The following HECTD4 variants were observed in gnomAD, a reference collection of about 807,000 sequenced individuals.
HECTD4 encodes the protein HECT domain E3 ubiquitin protein ligase 4, also known as probable E3 ubiquitin-protein ligase HECTD4.
In HECTD4, 114 loss-of-function variants were observed where a neutral mutation model predicts 471.5. The ratio of observed to expected loss-of-function variants is 0.24; its 90% CI spans 0.21 to 0.28. The LOEUF is 0.28. HECTD4 is among the 10% of genes least tolerant of loss of function. The pLI is 1.00. For missense variants in HECTD4, 3,866 were observed against 5,651.5 expected (o/e 0.68, Z 10.13); for synonymous variants, 2,012 against 2,256.0 (o/e 0.89, Z 3.07).
chr12:112,167,972 C>T (rs757256506), intron 70 of HECTD4, 55 bp from the exon 71 acceptor site: 772 of 1,303,172 alleles, frequency 5.9e-4, no homozygotes, highest in Non-Finnish European at 8.1e-4. Flanking sequence ...GGAGGCGACA[C>T]CGTTCCCTCC....
chr12:112,189,751 G>A (rs2032015283), intron 60 of HECTD4, among the ~76,000 whole-genome samples: 1 of 151,864 alleles, frequency 6.6e-6, no homozygotes, highest in East Asian at 1.9e-4. Context: ...ATCCGAGTGT[G>A]CAGTGTTTTC....
chr12:112,290,866 A>AAG (rs2034868683), intron 7 of HECTD4, among the ~76,000 whole-genome samples: 1 of 149,570 alleles, frequency 6.7e-6, no homozygotes, highest in Non-Finnish European at 1.5e-5. Flanking sequence ...AACAAAACAA[A>AAG]AAAAAAAAAC....
chr12:112,193,003 C>A lies in HECTD4; in HGVS notation c.9086+58G>T. The A allele has an allele frequency of 6.3e-7, 1 of 1,596,754 alleles. No individual in the cohort carries two copies. Among genetic ancestry groups the A allele is most frequent in the Non-Finnish European group, 8.6e-7 (1 of 1,169,060 alleles). On this transcript the variant is annotated intron_variant, in intron 58 of 75. Transcript: ENST00000682272. The surrounding 1 kb of genome is among the most constrained non-coding windows in gnomAD (Gnocchi z 5.2). Reference sequence around the variant, plus strand: ...AATTTTTTTCCTTGGCCAGTTTCACCAGAATTCATTTAGCTTTCCTCTCCC... The same window carrying A: ...AATTTTTTTCCTTGGCCAGTTTCACAAGAATTCATTTAGCTTTCCTCTCCC...
chr12:112,376,807 G>C (rs963470385), intron 1 of HECTD4, among the ~76,000 whole-genome samples: 1 of 152,086 alleles, frequency 6.6e-6, no homozygotes, highest in South Asian at 2.1e-4. Flanking sequence ...TTCCTTTTGT[G>C]TCCACCCTAT....
Position 112,179,403 on chromosome 12 carries a change from G to A in HECTD4, c.10988-6C>T. The A allele has an allele frequency of 6.2e-7, 1 of 1,604,508 alleles. No individual in the cohort carries two copies. The highest frequency in any genetic ancestry group is 8.5e-7 in the Non-Finnish European group (1 of 1,174,946). On this transcript the variant is annotated splice_polypyrimidine_tract_variant and splice_region_variant and intron_variant, in intron 62 of 75. Coordinates refer to ENST00000682272, the MANE Select transcript of HECTD4 (RefSeq NM_001388303.1). The surrounding 1 kb of genome is among the most constrained non-coding windows in gnomAD (Gnocchi z 4.3). ...TCCGGGCACCAGCTTCTCCCCTGTTGGATGGAGAGGGGGCAAAACAATTCT... is the reference window on the plus strand; with the variant it reads ...TCCGGGCACCAGCTTCTCCCCTGTTAGATGGAGAGGGGGCAAAACAATTCT...
At chr12:112,257,208 T>C (rs1367167019) in intron 20 of HECTD4, among the ~76,000 whole-genome samples, 1 of 152,208 alleles carries the variant, frequency 6.6e-6, no homozygotes, top group Non-Finnish European at 1.5e-5. Context: ...ACTAGTCACA[T>C]GTGGCCATTT....
chr12:112,312,917 A>G, intron 4 of HECTD4, 100 bp downstream of exon 4: 2 of 904,658 alleles, frequency 2.2e-6, no homozygotes, highest in Non-Finnish European at 3.3e-6. Context: ...CTTAATTAAA[A>G]GGAACATACA....
intron 1 of HECTD4, among the ~76,000 whole-genome samples, chr12:112,355,031 A>T (rs1011611546): frequency 1.3e-5 from 2 of 150,258 alleles, no homozygotes; most frequent in Non-Finnish European, 3.0e-5. Flanking sequence ...CCCAGGCTGG[A>T]GTGCAGTGGC....
rs2030683989 is a variant in HECTD4, at chr12:112,161,401, AG to A, written c.*985del. 6.6e-6 allele frequency: 1 copy of A among 152,272 alleles called. No individual in the cohort carries two copies. The highest frequency in any genetic ancestry group is 2.4e-5 in the African/African-American group (1 of 41,452). The allele number at this position is 152,272 out of a possible 1,614,324, so 9.4% of individuals were successfully genotyped here. On this transcript the variant is annotated 3_prime_UTR_variant, in exon 76 of 76. Transcript: ENST00000682272. ...ACTTGAGTGTCTGGGTCACTAAAGC[AG>A]ACCCCAAATTGAGCAGAGCACCTCA...
At chr12:112,378,019 G>A (rs949736004) in intron 1 of HECTD4, among the ~76,000 whole-genome samples, 2 of 152,114 alleles carry the variant, frequency 1.3e-5, no homozygotes, top group Non-Finnish European at 2.9e-5. Context: ...TTTGAGCAGC[G>A]CTTACAGGGT....
rs747819620 is a variant in HECTD4, at chr12:112,175,712, T to A, written c.11594+24A>T. On this transcript the variant is annotated intron_variant, in intron 66 of 75. Transcript: ENST00000682272. ...AACAATTTCTATGCAAGGTGCCAAC[T>A]GAGTCGAGGGGTAACCCTCTTACCT... 9 of 1,607,818 alleles carry A rather than the reference T, an allele frequency of 5.6e-6. No homozygotes were observed. The African/African-American group carries it at 1.1e-4, about 19-fold the overall frequency.
rs772580103 is a variant in HECTD4, at chr12:112,217,052, A to G, written c.7218T>C (p.Thr2406=). 1 of 1,582,112 alleles carries G rather than the reference A, an allele frequency of 6.3e-7. No homozygotes were observed. Among genetic ancestry groups the G allele is most frequent in the South Asian group, 1.2e-5 (1 of 86,822 alleles). The part of the protein sequence containing the change: ...GLPRGTFIYA[T]SPLPVQAPSF... ...GTCTCACCTGAACTGGCAGTGGTGA[A>G]GTGGCATAGATAAAAGTGCCCCGGG... The change falls in exon 46 of 76, where the codon ACT becomes ACC. Residue 2406 remains threonine, a synonymous_variant. Transcript: ENST00000682272.
chr12:112,290,767 G>C (rs904602448), intron 7 of HECTD4, among the ~76,000 whole-genome samples: 19 of 149,018 alleles, frequency 1.3e-4, no homozygotes, highest in Admixed American at 1.3e-4. Flanking sequence ...GGAATCACTT[G>C]AACCTGGGAG....
At position 112,314,631 on chromosome 12, in the gene HECTD4, T is replaced by A. The variant is rs932937723; in HGVS notation, c.696-85A>T. On this transcript the variant is annotated intron_variant, in intron 2 of 75. Coordinates refer to ENST00000682272, the MANE Select transcript of HECTD4 (RefSeq NM_001388303.1). ...ATTAATGCTAATTTAATTAACCACA[T>A]GGAAAAGTTCCAAAATGTGTCTCTC... The A allele has an allele frequency of 1.9e-5, 15 of 789,590 alleles. No individual in the cohort carries two copies. The African/African-American group carries it at 2.6e-4, about 14-fold the overall frequency. 48.9% of individuals were successfully genotyped at this position (789,590 alleles called of 1,614,324 possible).
intron 1 of HECTD4, among the ~76,000 whole-genome samples, chr12:112,330,141 G>C (rs971630746): frequency 3.9e-5 from 6 of 151,976 alleles, no homozygotes; most frequent in African/African-American, 1.5e-4. Flanking sequence ...GCCGGGCGTG[G>C]TGATGGGCGC....
At position 112,228,325 on chromosome 12, in the gene HECTD4, G is replaced by A; in HGVS notation, c.6685-67C>T. 7.2e-7 allele frequency: 1 copy of A among 1,384,590 alleles called. No individual in the cohort carries two copies. The allele number at this position is 1,384,590 out of a possible 1,614,324, so 85.8% of individuals were successfully genotyped here. On this transcript the variant is annotated intron_variant, in intron 42 of 75. Transcript: ENST00000682272. The surrounding 1 kb of genome is among the most constrained non-coding windows in gnomAD (Gnocchi z 4.9). ...TAGTTAGTTTATAAGAAATGAGGGT[G>A]TTATTATTATCTGGAGTTAATTCTT...
In HECTD4 at chr12:112,316,584, G is replaced by A. The variant is rs535356950; in HGVS notation, c.696-2038C>T. ...TGACTTACCCTGAGTCCATTCAACC[G>A]TAAGCTCTGTGAGGTAAGAAACCTA... On this transcript the variant is annotated intron_variant, in intron 2 of 75. Transcript: ENST00000682272. 1.8e-4 allele frequency among the ~76,000 whole-genome samples: 27 copies of A among 152,108 alleles called. No individual in the cohort carries two copies. The East Asian group carries it at 3.1e-3, about 17-fold the overall frequency.
In HECTD4 at chr12:112,193,778, G is replaced by T; in HGVS notation, c.8750-104C>A. On this transcript the variant is annotated intron_variant, in intron 56 of 75. Coordinates refer to ENST00000682272, the MANE Select transcript of HECTD4 (RefSeq NM_001388303.1). This position sits in a 1 kb window ranked among gnomAD's most constrained non-coding sequence, Gnocchi z 5.2. Reference sequence around the variant, plus strand: ...ATAACCCATCCAGAAACCCCAGATGGGAGGGTTATCCTGGATATGATGTCC... The same window carrying T: ...ATAACCCATCCAGAAACCCCAGATGTGAGGGTTATCCTGGATATGATGTCC... 1 of 989,714 alleles carries T rather than the reference G, an allele frequency of 1.0e-6. No individual in the cohort carries two copies. The highest frequency in any genetic ancestry group is 1.5e-6 in the Non-Finnish European group (1 of 648,708). The allele number at this position is 989,714 out of a possible 1,614,324, so 61.3% of individuals were successfully genotyped here.
In HECTD4 at chr12:112,163,278, G is replaced by A; in HGVS notation, c.12898-14C>T. On this transcript the variant is annotated splice_polypyrimidine_tract_variant and intron_variant, in intron 74 of 75. Coordinates refer to ENST00000682272, the MANE Select transcript of HECTD4 (RefSeq NM_001388303.1). The surrounding 1 kb of genome is among the most constrained non-coding windows in gnomAD (Gnocchi z 8.2). Reference sequence around the variant, plus strand: ...CATGGTGTGGGCCTGGGGAGGAGAGGTCCAGGTGTCAGGAGCCCTGGAGCC... The same window carrying A: ...CATGGTGTGGGCCTGGGGAGGAGAGATCCAGGTGTCAGGAGCCCTGGAGCC... 6.2e-7 allele frequency: 1 copy of A among 1,601,540 alleles called. No homozygotes were observed. The highest frequency in any genetic ancestry group is 2.2e-5 in the East Asian group (1 of 44,714).
Sources: gnomAD v4.1 joint callset for allele counts (sites outside exome capture counted in the v4.1 genomes callset) on GRCh38, gnomAD v4.1.1 for gene constraint, Gnocchi (gnomAD v3.1) non-coding constraint, MANE v1.5 for transcripts, NCBI Gene and HGNC (gene_info 2026-07-23, HGNC 2026-07-21) for gene names.